Variants in AXIN2 observed in about 807,000 individuals in gnomAD.
AXIN2 encodes the protein axin 2.
Under a neutral mutation model 74.7 loss-of-function variants are expected in AXIN2, and 21 were observed. The observed-to-expected ratio is 0.28, with a 90% CI of 0.20 to 0.40. The LOEUF (loss-of-function observed/expected upper bound fraction) is 0.40, where lower values mean the gene tolerates loss of function less well. Ranked by LOEUF, AXIN2 falls within the 10% of genes least tolerant of loss-of-function variation. The pLI is 1.00. For synonymous variants in AXIN2, 532 were observed against 454.9 expected, an observed-to-expected ratio of 1.17 and a Z score of -2.16; for missense variants, 1,144 against 1,111.1, an observed-to-expected ratio of 1.03 and a Z score of -0.42.
chr17:65,546,463 C>G (rs555882418), intron 3 of AXIN2, among the ~76,000 whole-genome samples: 1 of 152,266 alleles, frequency 6.6e-6, no homozygotes, highest in Admixed American at 6.5e-5. Flanking sequence ...CATTGCATCG[C>G]CAAGTCTGCT....
chr17:65,549,049 C>A (rs1279130905), intron 3 of AXIN2, among the ~76,000 whole-genome samples: 2 of 152,158 alleles, frequency 1.3e-5, no homozygotes, highest in African/African-American at 4.8e-5. Context: ...TTCTCACCCC[C>A]ACTTGCAATG....
chr17:65,528,608 C>T lies in AXIN2; in HGVS notation c.*1368G>A, dbSNP rs1009755336. On this transcript the variant is annotated 3_prime_UTR_variant, in exon 11 of 11. Coordinates refer to ENST00000307078, the MANE Select transcript of AXIN2 (RefSeq NM_004655.4). ...TAATAAAGGCTACATCTCTTAATTA[C>T]AATAATTATTGTACCAAGTAATTTT... 8.2e-6 allele frequency: 4 copies of T among 488,410 alleles called. No individual in the cohort carries two copies. Among genetic ancestry groups the T allele is most frequent in the East Asian group, 4.3e-5 (1 of 23,106 alleles). The allele number at this position is 488,410 out of a possible 1,614,324, so 30.3% of individuals were successfully genotyped here.
intron 7 of AXIN2, 37 bp downstream of exon 7, chr17:65,536,832 G>A: frequency 6.2e-7 from 1 of 1,611,738 alleles, no homozygotes; most frequent in Non-Finnish European, 8.5e-7. Context: ...GAGTGCCCAT[G>A]ACCCTCGCGG....
chr17:65,543,905 C>T (rs1333834009), intron 3 of AXIN2, among the ~76,000 whole-genome samples: 2 of 152,224 alleles, frequency 1.3e-5, no homozygotes, highest in East Asian at 1.9e-4. Context: ...CATCTCTCAC[C>T]TAAGATACCT....
Position 65,529,927 on chromosome 17 carries a change from T to A in AXIN2, c.*49A>T. 6.2e-7 allele frequency: 1 copy of A among 1,613,446 alleles called. No homozygotes were observed. Among genetic ancestry groups the A allele is most frequent in the Non-Finnish European group, 8.5e-7 (1 of 1,179,716 alleles). ...CGCAGTTGCTCACAGCCAAGACAGT[T>A]CACAAGAGCTTCGGGCTCCAACAGT... On this transcript the variant is annotated 3_prime_UTR_variant, in exon 11 of 11. Coordinates refer to ENST00000307078, the MANE Select transcript of AXIN2 (RefSeq NM_004655.4).
chr17:65,536,832 G>T, intron 7 of AXIN2, 37 bp downstream of exon 7: 3 of 1,611,736 alleles, frequency 1.9e-6, no homozygotes, highest in South Asian at 1.1e-5. Flanking sequence ...GAGTGCCCAT[G>T]ACCCTCGCGG....
intron 2 of AXIN2, among the ~76,000 whole-genome samples, chr17:65,557,080 C>G (rs1051566630): frequency 6.6e-6 from 1 of 152,134 alleles, no homozygotes; most frequent in African/African-American, 2.4e-5. Flanking sequence ...CCAGTACTCC[C>G]GGGCCAAGAT....
intron 6 of AXIN2, 118 bp downstream of exon 6, chr17:65,537,206 A>G: frequency 6.4e-7 from 1 of 1,551,580 alleles, no homozygotes; most frequent in Non-Finnish European, 8.8e-7. Flanking sequence ...CCGGCCGTGC[A>G]CTCTGCCGCC....
intron 2 of AXIN2, among the ~76,000 whole-genome samples, chr17:65,555,211 G>A (rs1374728061): frequency 6.6e-6 from 1 of 152,190 alleles, no homozygotes; most frequent in Non-Finnish European, 1.5e-5. Flanking sequence ...TGCCAAGACC[G>A]CTCCTCAGCA....
rs2144582762 is a variant in AXIN2, at chr17:65,557,904, G to A, written c.717C>T (p.Phe239=). 1 of 1,614,212 alleles carries A rather than the reference G, an allele frequency of 6.2e-7. No homozygotes were observed. The highest frequency in any genetic ancestry group is 8.5e-7 in the Non-Finnish European group (1 of 1,180,030). The change falls in exon 2 of 11, where the codon TTC becomes TTT. Residue 239 remains phenylalanine (F), a synonymous_variant. Coordinates refer to ENST00000307078, the MANE Select transcript of AXIN2 (RefSeq NM_004655.4). The stretch of plus-strand genomic sequence containing the variant: ...CCACGGTTGGCGAAAGTTTGCACTT[G>A]AAGTCGGCACAAGTCCACTCCTCTT... The part of the protein sequence containing the change: ...NEEEEWTCAD[F]KCKLSPTVVG...
chr17:65,532,651 G>A (rs764004624), intron 10 of AXIN2, among the ~76,000 whole-genome samples: 8 of 152,184 alleles, frequency 5.3e-5, no homozygotes, highest in Non-Finnish European at 8.8e-5. Context: ...ACTATACAAG[G>A]CCTGCTCTAG....
chr17:65,534,134 A>G, intron 9 of AXIN2, 55 bp from the exon 10 acceptor site: 1 of 1,599,136 alleles, frequency 6.3e-7, no homozygotes, highest in Non-Finnish European at 8.6e-7. Context: ...ACACACATCT[A>G]AAGCAAACAC....
rs774150316 is a variant in AXIN2, at chr17:65,549,672, G to A, written c.816-12C>T. 1 of 1,589,506 alleles carries A rather than the reference G, an allele frequency of 6.3e-7. No homozygotes were observed. The highest frequency in any genetic ancestry group is 1.1e-5 in the South Asian group (1 of 87,298). The stretch of plus-strand genomic sequence containing the variant: ...TCCTCTTGAAGGACCTATGGGCAAA[G>A]TACAAAAGTGGTTCAGTCACTGACC... On this transcript the variant is annotated splice_polypyrimidine_tract_variant and intron_variant, in intron 2 of 10. Coordinates refer to ENST00000307078, the MANE Select transcript of AXIN2 (RefSeq NM_004655.4).
chr17:65,559,673 T>C (rs2044332782), intron 1 of AXIN2, among the ~76,000 whole-genome samples: 1 of 152,064 alleles, frequency 6.6e-6, no homozygotes, highest in African/African-American at 2.4e-5. Context: ...AATCCCAAAC[T>C]CTACTGATTT....
chr17:65,534,138 CAA>C (rs1474064451), intron 9 of AXIN2, 59 bp from the exon 10 acceptor site: 1 of 1,590,934 alleles, frequency 6.3e-7, no homozygotes, highest in Non-Finnish European at 8.6e-7. Flanking sequence ...ACATCTAAAG[CAA>C]ACACACACGT....
chr17:65,533,453 A>G (rs1015313594), intron 10 of AXIN2, among the ~76,000 whole-genome samples: 3 of 152,184 alleles, frequency 2.0e-5, no homozygotes, highest in African/African-American at 4.8e-5. Context: ...GGAGCCTTCA[A>G]TGTGGGGGTC....
At chr17:65,553,606 CAT>C (rs1341523090) in intron 2 of AXIN2, among the ~76,000 whole-genome samples, 1 of 152,144 alleles carries the variant, frequency 6.6e-6, no homozygotes, top group Non-Finnish European at 1.5e-5. Context: ...TCACTTCCAA[CAT>C]AGAGGACTAC....
At chr17:65,560,507 A>C (rs1598123076) in intron 1 of AXIN2, 1 of 151,492 alleles carries the variant, frequency 6.6e-6, no homozygotes, top group African/African-American at 2.4e-5. Context: ...TCACACGCCG[A>C]CTCACATCCA....
Position 65,530,060 on chromosome 17 carries a change from C to A in AXIN2, c.2448G>T (p.Ala816=). 6.2e-7 allele frequency: 1 copy of A among 1,614,154 alleles called. No homozygotes were observed. The highest frequency in any genetic ancestry group is 8.5e-7 in the Non-Finnish European group (1 of 1,180,032). The change falls in exon 11 of 11, where the codon GCG becomes GCT. Residue 816 remains alanine (A), a synonymous_variant. Transcript: ENST00000307078. ...KKASDEFACG[A]VFEEIWEDET... ...CATCCTCCCAGATCTCCTCAAACAC[C>A]GCTCCACAGGCAAACTCATCGCTTG...
Sources: allele counts gnomAD v4.1 joint callset (sites outside exome capture counted in the v4.1 genomes callset), GRCh38; gene constraint gnomAD v4.1.1; transcripts MANE v1.5; gene names NCBI Gene and HGNC (gene_info 2026-07-23, HGNC 2026-07-21).